CHKA: variants seen among roughly 807,000 people sequenced by gnomAD.
The protein encoded by CHKA is CHETK-alpha.
Under a neutral mutation model 60.1 loss-of-function variants are expected in CHKA, and 34 were observed. The observed-to-expected ratio is 0.57, with a 90% CI of 0.43 to 0.75. The LOEUF (loss-of-function observed/expected upper bound fraction) is 0.75, where lower values mean the gene tolerates loss of function less well. CHKA is among the 30% of genes least tolerant of loss of function. CHKA has a pLI of 0.00. For missense variants in CHKA, 563 were observed against 561.3 expected, an observed-to-expected ratio of 1.00 and a Z score of -0.03; for synonymous variants, 217 against 223.1, an observed-to-expected ratio of 0.97 and a Z score of 0.24.
At chr11:68,084,444 A>G (rs1857114340) in intron 2 of CHKA, among the ~76,000 whole-genome samples, 1 of 141,940 alleles carries the variant, frequency 7.0e-6, no homozygotes, top group South Asian at 2.2e-4. Flanking sequence ...ATACGTATAT[A>G]TATGTGTGTA....
intron 4 of CHKA, among the ~76,000 whole-genome samples, chr11:68,073,091 G>A (rs1446477085): frequency 6.6e-6 from 1 of 152,112 alleles, no homozygotes; most frequent in African/African-American, 2.4e-5. Flanking sequence ...TAATCTATGT[G>A]TCCTGATGCC....
chr11:68,094,368 C>A (rs1857437001), intron 2 of CHKA, among the ~76,000 whole-genome samples: 1 of 152,022 alleles, frequency 6.6e-6, no homozygotes, highest in Admixed American at 6.6e-5. Flanking sequence ...ATGGTGAAAC[C>A]CTGCCTCTAC....
chr11:68,063,188 C>CTCCAG (rs1217319534), intron 10 of CHKA, among the ~76,000 whole-genome samples: 5 of 152,154 alleles, frequency 3.3e-5, no homozygotes, highest in African/African-American at 1.2e-4. Flanking sequence ...GTGGCCGCCA[C>CTCCAG]TCCAGAAGCA....
At chr11:68,072,839 T>G (rs1422189228) in intron 4 of CHKA, among the ~76,000 whole-genome samples, 1 of 151,674 alleles carries the variant, frequency 6.6e-6, no homozygotes, top group African/African-American at 2.4e-5. Context: ...CAAAAAAAAA[T>G]TTTTAATAAG....
intron 11 of CHKA, among the ~76,000 whole-genome samples, chr11:68,055,802 T>A (rs1358196680): frequency 6.6e-6 from 1 of 151,944 alleles, no homozygotes; most frequent in Non-Finnish European, 1.5e-5. Context: ...CCTAGCACTT[T>A]GGGAGGCCAA....
chr11:68,079,553 G>A (rs370829980), intron 3 of CHKA, among the ~76,000 whole-genome samples: 4 of 151,844 alleles, frequency 2.6e-5, no homozygotes, highest in East Asian at 1.9e-4. Flanking sequence ...GGATGGTCTC[G>A]ATCTCCTGAC....
chr11:68,060,942 C>T (rs191714396), intron 11 of CHKA, among the ~76,000 whole-genome samples: 84 of 152,206 alleles, frequency 5.5e-4, no homozygotes, highest in African/African-American at 1.8e-3. Flanking sequence ...ATGAACTAGT[C>T]CCATCCCTGT....
intron 4 of CHKA, among the ~76,000 whole-genome samples, chr11:68,073,989 G>C (rs1856704742): frequency 6.6e-6 from 1 of 152,164 alleles, no homozygotes; most frequent in Non-Finnish European, 1.5e-5. Context: ...CCAGGGCTCA[G>C]AGCCACACTT....
At chr11:68,105,631 A>C (rs1430684120) in intron 1 of CHKA, among the ~76,000 whole-genome samples, 1 of 152,026 alleles carries the variant, frequency 6.6e-6, no homozygotes, top group East Asian at 1.9e-4. Context: ...ATTTTTAGCA[A>C]CGGGGATATT....
At chr11:68,082,440 T>C (rs537475748) in intron 2 of CHKA, 21 of 152,768 alleles carry the variant, frequency 1.4e-4, no homozygotes, top group Non-Finnish European at 2.4e-4. Flanking sequence ...AGGAAACCTC[T>C]TTAAAAAAAT....
intron 1 of CHKA, among the ~76,000 whole-genome samples, chr11:68,101,938 A>G (rs1460132891): frequency 6.6e-6 from 1 of 151,970 alleles, no homozygotes; most frequent in Non-Finnish European, 1.5e-5. Flanking sequence ...TGCCTCTACT[A>G]AAAATACAAA....
At chr11:68,070,372 G>T in intron 5 of CHKA, 79 bp from the exon 6 acceptor site, 2 of 1,076,450 alleles carry the variant, frequency 1.9e-6, no homozygotes, top group South Asian at 1.3e-5. Flanking sequence ...TTGGGGCTTT[G>T]GTTAAACATT....
chr11:68,055,414 G>A (rs1565169430), intron 11 of CHKA, among the ~76,000 whole-genome samples: 1 of 152,110 alleles, frequency 6.6e-6, no homozygotes, highest in Non-Finnish European at 1.5e-5. Flanking sequence ...AACAAATGAA[G>A]CTGCTATGAG....
At chr11:68,067,540 A>T (rs1340920696) in intron 7 of CHKA, among the ~76,000 whole-genome samples, 1 of 152,156 alleles carries the variant, frequency 6.6e-6, no homozygotes, top group Admixed American at 6.5e-5. Context: ...GGTTACGTGG[A>T]GCCTAGACTG....
At chr11:68,110,521 T>C (rs966807891) in intron 1 of CHKA, among the ~76,000 whole-genome samples, 3 of 152,092 alleles carry the variant, frequency 2.0e-5, no homozygotes, top group African/African-American at 7.2e-5. Context: ...AAAAATGAAA[T>C]ACTTATATAT....
At chr11:68,103,726 A>T (rs1393476041) in intron 1 of CHKA, among the ~76,000 whole-genome samples, 1 of 152,088 alleles carries the variant, frequency 6.6e-6, no homozygotes, top group African/African-American at 2.4e-5. Context: ...AGCCTGGCCA[A>T]CATGGTGAAA....
At position 68,064,525 on chromosome 11, in the gene CHKA, C is replaced by G; in HGVS notation, c.1232G>C (p.Arg411Thr). The G allele has an allele frequency of 6.8e-7, 1 of 1,467,788 alleles. No homozygotes were observed. Among genetic ancestry groups the G allele is most frequent in the Non-Finnish European group, 9.4e-7 (1 of 1,068,198 alleles). The allele number at this position is 1,467,788 out of a possible 1,614,324, so 90.9% of individuals were successfully genotyped here. A position where few individuals can be genotyped will look rare whatever the true frequency, so the allele number is the denominator to read the frequency against. ...IKEEMLLEVN[R>T]FALASHFLWG... ...CAAATCAAAAAAGGAAAAATGTTAC[C>G]TATTAACTTCAAGCAACATTTCTTC... Residue 411 changes from arginine to threonine, a missense_variant and splice_region_variant, in exon 10 of 12, where the codon AGG becomes ACG. Coordinates refer to ENST00000265689, the MANE Select transcript of CHKA (RefSeq NM_001277.3).
intron 1 of CHKA, among the ~76,000 whole-genome samples, chr11:68,120,178 G>C (rs899025272): frequency 2.0e-5 from 3 of 150,814 alleles, no homozygotes; most frequent in African/African-American, 7.3e-5. Flanking sequence ...GCAGTGAGCC[G>C]AGGTCGCGCC....
intron 3 of CHKA, among the ~76,000 whole-genome samples, chr11:68,076,145 C>T (rs945862926): frequency 6.6e-6 from 1 of 152,162 alleles, no homozygotes; most frequent in South Asian, 2.1e-4. Context: ...CCACAATTAT[C>T]GTCTACAACC....
Sources: gnomAD v4.1 joint callset for allele counts (sites outside exome capture counted in the v4.1 genomes callset) on GRCh38, gnomAD v4.1.1 for gene constraint, MANE v1.5 for transcripts, NCBI Gene and HGNC (gene_info 2026-07-23, HGNC 2026-07-21) for gene names.